Variants in PRKN observed in about 807,000 individuals in gnomAD.
PRKN encodes the protein E3 ubiquitin-protein ligase parkin.
A neutral mutation model predicts 59.5 loss-of-function variants in PRKN; 56 were observed. The observed-to-expected ratio is 0.94, with a 90% CI of 0.76 to 1.18. PRKN has a LOEUF of 1.18. Ranked by LOEUF, PRKN falls within the 50% of genes most tolerant of loss-of-function variation. The pLI is 0.00. For missense variants in PRKN, 657 were observed against 596.4 expected (o/e 1.10, Z -1.06); for synonymous variants, 250 against 222.1 (o/e 1.13, Z -1.12).
chr6:162,624,784 G>C (rs927901764), intron 1 of PRKN, among the ~76,000 whole-genome samples: 1 of 152,184 alleles, frequency 6.6e-6, no homozygotes, highest in Non-Finnish European at 1.5e-5. Context: ...GCCTCCCAAA[G>C]TGCTGGGATT....
Position 162,114,282 on chromosome 6 carries a change from T to C in PRKN, c.535-60108A>G, listed in dbSNP as rs1179332182. ...CATTGGTAGCTTGATGGGGATGGCA[T>C]TGAATCTGTAAATTACCTTGGGCAG... On this transcript the variant is annotated intron_variant, in intron 4 of 11. Transcript: ENST00000366898. Among the ~76,000 whole-genome samples, 17 of 152,076 alleles carry C rather than the reference T, an allele frequency of 1.1e-4. 1 individual carries two copies. Among genetic ancestry groups the C allele is most frequent in the African/African-American group, 3.9e-4 (16 of 41,480 alleles).
At chr6:161,565,607 C>T (rs970369527) in intron 8 of PRKN, among the ~76,000 whole-genome samples, 5 of 152,154 alleles carry the variant, frequency 3.3e-5, no homozygotes, top group Non-Finnish European at 7.4e-5. Context: ...AGGTACCTTG[C>T]TTCCCCTTCG....
At chr6:162,394,051 T>C (rs1417548700) in intron 2 of PRKN, among the ~76,000 whole-genome samples, 1 of 152,210 alleles carries the variant, frequency 6.6e-6, no homozygotes, top group Non-Finnish European at 1.5e-5. Context: ...TCCAAAATTT[T>C]TTTTGTTACA....
At chr6:162,297,174 CT>C (rs10681721) in intron 2 of PRKN, among the ~76,000 whole-genome samples, 206 of 139,260 alleles carry the variant, frequency 1.5e-3, no homozygotes, top group Middle Eastern at 7.4e-3. Flanking sequence ...TTTTTCTTTT[CT>C]TTTTTTTTTT....
At chr6:162,348,443 A>C (rs1453066301) in intron 2 of PRKN, among the ~76,000 whole-genome samples, 2 of 152,192 alleles carry the variant, frequency 1.3e-5, no homozygotes, top group Non-Finnish European at 2.9e-5. Context: ...GGTCAACAGA[A>C]ACTGACGAGG....
intron 2 of PRKN, among the ~76,000 whole-genome samples, chr6:162,354,494 T>C (rs1486480853): frequency 6.6e-6 from 1 of 152,032 alleles, no homozygotes; most frequent in Non-Finnish European, 1.5e-5. Flanking sequence ...AATCACAAAA[T>C]GTACTTTTTA....
chr6:162,001,211 A>G (rs73028496), intron 5 of PRKN, among the ~76,000 whole-genome samples: 32,360 of 151,856 alleles, frequency 0.21, 3,718 homozygotes, highest in African/African-American at 0.3. Context: ...TTGTGATTGC[A>G]TTGACTCTAG....
chr6:161,932,791 AAG>A (rs1186085873), intron 6 of PRKN, among the ~76,000 whole-genome samples: 1 of 152,214 alleles, frequency 6.6e-6, no homozygotes, highest in African/African-American at 2.4e-5. Flanking sequence ...TACTAGCAGA[AAG>A]AGTGAGAGAA....
At chr6:161,992,163 A>G (rs1427286381) in intron 5 of PRKN, among the ~76,000 whole-genome samples, 1 of 152,074 alleles carries the variant, frequency 6.6e-6, no homozygotes, top group African/African-American at 2.4e-5. Context: ...ACATGGTGAA[A>G]CCCCATCTCT....
intron 1 of PRKN, among the ~76,000 whole-genome samples, chr6:162,588,532 TTGCTTTATTAGAGCA>T (rs1386535539): frequency 1.3e-5 from 2 of 152,052 alleles, no homozygotes; most frequent in East Asian, 3.9e-4. Flanking sequence ...CGGTCCTGCT[TTGCTTTATTAGAGCA>T]GAGCTCATTT....
intron 4 of PRKN, among the ~76,000 whole-genome samples, chr6:162,178,013 C>T (rs944693961): frequency 2.0e-5 from 3 of 152,138 alleles, no homozygotes; most frequent in African/African-American, 7.2e-5. Flanking sequence ...GGAAAAAATG[C>T]GATTAGGATT....
At chr6:161,686,761 A>G (rs192702715) in intron 7 of PRKN, among the ~76,000 whole-genome samples, 1 of 152,226 alleles carries the variant, frequency 6.6e-6, no homozygotes, top group East Asian at 1.9e-4. Flanking sequence ...TTGACTTCAA[A>G]CACACTTAGC....
intron 1 of PRKN, among the ~76,000 whole-genome samples, chr6:162,547,554 C>T (rs183566329): frequency 6.9e-4 from 97 of 140,608 alleles, no homozygotes; most frequent in Admixed American, 4.0e-3. Context: ...AATTAAGCAG[C>T]GCTCCCAATG....
intron 9 of PRKN, among the ~76,000 whole-genome samples, chr6:161,435,363 C>T (rs566142587): frequency 3.9e-4 from 60 of 152,168 alleles, no homozygotes; most frequent in African/African-American, 1.1e-3. Context: ...GCCTGGTTGG[C>T]GATAATCCCT....
intron 1 of PRKN, among the ~76,000 whole-genome samples, chr6:162,542,661 T>C (rs1441305844): frequency 1.3e-5 from 2 of 152,144 alleles, no homozygotes; most frequent in Non-Finnish European, 2.9e-5. Context: ...CCTTCATTCA[T>C]AGAGAACATT....
intron 2 of PRKN, among the ~76,000 whole-genome samples, chr6:162,375,285 A>G (rs1323884115): frequency 6.6e-6 from 1 of 152,146 alleles, no homozygotes; most frequent in Admixed American, 6.6e-5. Flanking sequence ...AGTGTGAGCC[A>G]CAGTGATGAG....
chr6:162,564,368 A>AT (rs1183985835), intron 1 of PRKN, among the ~76,000 whole-genome samples: 1 of 152,078 alleles, frequency 6.6e-6, no homozygotes, highest in Non-Finnish European at 1.5e-5. Context: ...AAAAACAAAA[A>AT]AAACAGTAAT....
intron 9 of PRKN, among the ~76,000 whole-genome samples, chr6:161,439,201 C>T (rs1789070908): frequency 6.6e-6 from 1 of 152,186 alleles, no homozygotes; most frequent in Admixed American, 6.5e-5. Flanking sequence ...CGCCAACGGG[C>T]TTCTCAGAAG....
chr6:162,251,660 C>T (rs1779441990), intron 3 of PRKN, among the ~76,000 whole-genome samples: 1 of 152,152 alleles, frequency 6.6e-6, no homozygotes, highest in Non-Finnish European at 1.5e-5. Flanking sequence ...TTAAATCTTG[C>T]ATCTGCATTT....
Sources: gnomAD v4.1 joint callset for allele counts (sites outside exome capture counted in the v4.1 genomes callset) on GRCh38, gnomAD v4.1.1 for gene constraint, MANE v1.5 for transcripts, NCBI Gene and HGNC (gene_info 2026-07-23, HGNC 2026-07-21) for gene names.